FOSL1: variants seen among roughly 807,000 people sequenced by gnomAD.
The protein encoded by FOSL1 is fos-related antigen 1.
A neutral mutation model predicts 24.9 loss-of-function variants in FOSL1; 14 were observed. That is an observed-to-expected ratio of 0.56 (90% CI 0.37 to 0.88). The LOEUF (loss-of-function observed/expected upper bound fraction) is 0.88. Ranked by LOEUF, FOSL1 falls within the 40% of genes least tolerant of loss-of-function variation. The pLI, the probability that FOSL1 is intolerant of heterozygous loss-of-function variation, is 0.00. For synonymous variants in FOSL1, 133 were observed against 145.1 expected, an observed-to-expected ratio of 0.92 and a Z score of 0.60; for missense variants, 318 against 359.8, an observed-to-expected ratio of 0.88 and a Z score of 0.94.
intron 1 of FOSL1, among the ~76,000 whole-genome samples, chr11:65,899,555 G>C (rs955358508): frequency 1.3e-5 from 2 of 152,222 alleles, no homozygotes; most frequent in African/African-American, 4.8e-5. Context: ...GTGGGGTCGC[G>C]AGAGTCGCCC....
intron 1 of FOSL1, among the ~76,000 whole-genome samples, chr11:65,899,008 G>C (rs1318488633): frequency 6.6e-6 from 1 of 150,674 alleles, no homozygotes; most frequent in Non-Finnish European, 1.5e-5. Context: ...AAAATTAGTG[G>C]CATAAAGTTA....
chr11:65,900,147 G>T (rs1390235775), intron 1 of FOSL1, 94 bp downstream of exon 1: 2 of 602,784 alleles, frequency 3.3e-6, no homozygotes, highest in Non-Finnish European at 4.8e-6. Flanking sequence ...CCCCGACTCC[G>T]GTTCCCCGCT....
intron 1 of FOSL1, among the ~76,000 whole-genome samples, chr11:65,898,043 C>CTTTTTTTTTTTTT (rs1565290153): frequency 2.5e-5 from 2 of 79,670 alleles, no homozygotes; most frequent in African/African-American, 1.1e-4. Context: ...TTTTTCTTTT[C>CTTTTTTTTTTTTT]TGTTTTTTTT....
upstream of FOSL1, chr11:65,900,463 G>A: frequency 2.0e-6 from 1 of 488,694 alleles, no homozygotes; most frequent in Non-Finnish European, 3.2e-6. Flanking sequence ...CGCGGGGGGT[G>A]GGGGCGTTGC....
chr11:65,896,667 A>G (rs918371041), intron 2 of FOSL1, 142 bp downstream of exon 2: 2 of 608,266 alleles, frequency 3.3e-6, no homozygotes, highest in East Asian at 2.8e-5. Flanking sequence ...TGGGGCTCCT[A>G]TCACTTTCAG....
intron 1 of FOSL1, among the ~76,000 whole-genome samples, chr11:65,897,462 C>G (rs549488527): frequency 5.5e-4 from 84 of 151,916 alleles, no homozygotes; most frequent in Non-Finnish European, 1.0e-3. Flanking sequence ...GCCCCAGCCT[C>G]CTGAGTAGCT....
intron 3 of FOSL1, 60 bp from the exon 4 acceptor site, chr11:65,893,356 C>G: frequency 8.9e-7 from 1 of 1,125,100 alleles, no homozygotes. Context: ...GAGCCGCAGA[C>G]GTTTGGACTC....
In FOSL1 at chr11:65,896,713, C is replaced by T. The variant is rs1039902836; in HGVS notation, c.297+96G>A. ...TAGTCACCTGTAGCCTACCTTACCC[C>T]CTCCTAAGCCTGTGCTCTCCTTTCT... On this transcript the variant is annotated intron_variant, in intron 2 of 3. Coordinates refer to ENST00000312562, the MANE Select transcript of FOSL1 (RefSeq NM_005438.5). 1.7e-5 allele frequency: 18 copies of T among 1,050,384 alleles called. No homozygotes were observed. In the African/African-American group the frequency reaches 2.1e-4, roughly 12 times the overall value. 65.1% of individuals were successfully genotyped at this position (1,050,384 alleles called of 1,614,324 possible).
intron 2 of FOSL1, among the ~76,000 whole-genome samples, chr11:65,895,003 T>G (rs1413167806): frequency 6.6e-6 from 1 of 151,094 alleles, no homozygotes; most frequent in Non-Finnish European, 1.5e-5. Context: ...TCTCACTGTG[T>G]TGCCCAGGCT....
chr11:65,893,500 G>A (rs1250056440), intron 3 of FOSL1, among the ~76,000 whole-genome samples: 1 of 152,128 alleles, frequency 6.6e-6, no homozygotes, highest in Non-Finnish European at 1.5e-5. Context: ...GACGTTTTAG[G>A]AGATTGCTGG....
Position 65,894,118 on chromosome 11 carries a change from T to C in FOSL1, c.301A>G (p.Ser101Gly). 6.2e-7 allele frequency: 1 copy of C among 1,602,144 alleles called. No individual in the cohort carries two copies. The highest frequency in any genetic ancestry group is 8.5e-7 in the Non-Finnish European group (1 of 1,177,686). ...GVRRRPCEQI[S>G]PEEEERRRVR... The stretch of plus-strand genomic sequence containing the variant: ...CGGCGGCGCTCCTCTTCCTCCGGGC[T>C]GATCTGGGGGTGAGACCCGCAGTGA... The change falls in exon 3 of 4, where the codon AGC becomes GGC. Residue 101 changes from serine to glycine, a missense_variant. Ser to Gly is a moderately conservative substitution (Grantham distance 56). Transcript: ENST00000312562.
chr11:65,900,396 C>T (rs1053674386), upstream of FOSL1: 7 of 966,786 alleles, frequency 7.2e-6, no homozygotes, highest in African/African-American at 3.3e-5. Context: ...CTCACCCGCG[C>T]CGTGCGGAGT....
intron 2 of FOSL1, among the ~76,000 whole-genome samples, chr11:65,895,281 G>A (rs588114): frequency 0.28 from 42,330 of 151,694 alleles, 7,422 homozygotes; most frequent in African/African-American, 0.49. Context: ...CTTCCACCAC[G>A]CCCAGCTAAT....
chr11:65,893,734 T>A (rs1290339724), intron 3 of FOSL1, among the ~76,000 whole-genome samples: 1 of 151,608 alleles, frequency 6.6e-6, no homozygotes, highest in Non-Finnish European at 1.5e-5. Context: ...GATGTCACAG[T>A]GAGCCATGAG....
intron 1 of FOSL1, among the ~76,000 whole-genome samples, chr11:65,899,391 C>T (rs1438779906): frequency 6.6e-6 from 1 of 152,218 alleles, no homozygotes; most frequent in African/African-American, 2.4e-5. Context: ...CCGGGTGACT[C>T]AGCCGCCGTG....
intron 2 of FOSL1, among the ~76,000 whole-genome samples, chr11:65,894,966 C>CTT (rs772849854): frequency 2.1e-5 from 3 of 141,480 alleles, no homozygotes; most frequent in Admixed American, 7.1e-5. Flanking sequence ...CTTTTTTTTT[C>CTT]TTTTTTTTTT....
At chr11:65,898,043 C>CGGTTTTTTT (rs1416098633) in intron 1 of FOSL1, among the ~76,000 whole-genome samples, 1 of 79,666 alleles carries the variant, frequency 1.3e-5, no homozygotes, top group African/African-American at 5.6e-5. Flanking sequence ...TTTTTCTTTT[C>CGGTTTTTTT]TGTTTTTTTT....
Position 65,896,944 on chromosome 11 carries a change from T to C in FOSL1, c.162A>G (p.Val54=), listed in dbSNP as rs1202553638. 9.9e-6 allele frequency: 16 copies of C among 1,613,962 alleles called. No homozygotes were observed. The highest frequency in any genetic ancestry group is 1.3e-5 in the African/African-American group (1 of 74,906). ...TGCTGGGCCCCAGGAAATGAGGCTG[T>C]ACCATCCACTGCAGCTCCTGACTGC... ...MSGSQELQWM[V]QPHFLGPSSY... The change falls in exon 2 of 4, where the codon GTA becomes GTG. Residue 54 remains valine (V), a synonymous_variant. Coordinates refer to ENST00000312562, the MANE Select transcript of FOSL1 (RefSeq NM_005438.5).
chr11:65,895,421 GC>G (rs1434534207), intron 2 of FOSL1, among the ~76,000 whole-genome samples: 4 of 152,142 alleles, frequency 2.6e-5, no homozygotes, highest in African/African-American at 9.7e-5. Flanking sequence ...ACCATGCCTG[GC>G]CTTAAACTAG....
Sources: gnomAD v4.1 joint callset for allele counts (sites outside exome capture counted in the v4.1 genomes callset) on GRCh38, gnomAD v4.1.1 for gene constraint, MANE v1.5 for transcripts, NCBI Gene and HGNC (gene_info 2026-07-23, HGNC 2026-07-21) for gene names.